SNTG2: variants seen among roughly 807,000 people sequenced by gnomAD.
The protein encoded by SNTG2 is syntrophin gamma 2, also known as gamma-2-syntrophin.
SNTG2 carries 74 observed loss-of-function variants against 70.9 expected under a neutral mutation model. That is an observed-to-expected ratio of 1.04 (90% confidence interval 0.86 to 1.27). The LOEUF (loss-of-function observed/expected upper bound fraction) is 1.27. Ranked by LOEUF, SNTG2 falls within the 50% of genes most tolerant of loss-of-function variation. The pLI, the probability that SNTG2 is intolerant of heterozygous loss-of-function variation, is 0.00. For synonymous variants in SNTG2, 278 were observed against 273.8 expected, an observed-to-expected ratio of 1.02 and a Z score of -0.15; for missense variants, 717 against 690.7, an observed-to-expected ratio of 1.04 and a Z score of -0.43.
At chr2:1,288,444 A>G (rs35972757) in intron 14 of SNTG2, among the ~76,000 whole-genome samples, 2,227 of 152,294 alleles carry the variant, frequency 0.015, 27 homozygotes, top group East Asian at 0.049. Context: ...ATCCTCCAAG[A>G]TGGTCCACTT....
chr2:1,281,243 G>GTGTATGTGGTA (rs1572914634), intron 14 of SNTG2, among the ~76,000 whole-genome samples: 1 of 97,798 alleles, frequency 1.0e-5, no homozygotes, highest in East Asian at 3.0e-4. Context: ...GGTGTGGTGT[G>GTGTATGTGGTA]TGGTGTGTGT....
At chr2:1,189,888 G>A (rs1672474803) in intron 8 of SNTG2, among the ~76,000 whole-genome samples, 1 of 152,074 alleles carries the variant, frequency 6.6e-6, no homozygotes, top group Non-Finnish European at 1.5e-5. Context: ...AACAGAGGGT[G>A]TCTTAGAGAA....
At chr2:1,225,049 G>C (rs960918766) in intron 9 of SNTG2, among the ~76,000 whole-genome samples, 15 of 152,258 alleles carry the variant, frequency 9.9e-5, no homozygotes, top group African/African-American at 3.6e-4. Context: ...AAGAACTGAG[G>C]TTGTGAATCG....
At chr2:1,170,300 A>G (rs920057759) in intron 7 of SNTG2, among the ~76,000 whole-genome samples, 2 of 152,186 alleles carry the variant, frequency 1.3e-5, no homozygotes, top group African/African-American at 2.4e-5. Context: ...ATATTTCACT[A>G]CGTTGTAGAG....
chr2:1,248,832 T>C (rs1677592965), intron 12 of SNTG2, among the ~76,000 whole-genome samples: 1 of 152,214 alleles, frequency 6.6e-6, no homozygotes, highest in Admixed American at 6.5e-5. Context: ...CTCCATGTGT[T>C]ACCTGTGTGG....
At chr2:1,222,026 TG>T in intron 9 of SNTG2, among the ~76,000 whole-genome samples, 1 of 22,472 alleles carries the variant, frequency 4.4e-5, no homozygotes, top group Admixed American at 6.0e-4. Context: ...TCTCTGTCTC[TG>T]CCTATCTCTG....
rs1661555512 is a variant in SNTG2, at chr2:1,367,543, T to C, written c.*69T>C. 7 of 1,513,530 alleles carry C rather than the reference T, an allele frequency of 4.6e-6. No individual in the cohort carries two copies. Among genetic ancestry groups the C allele is most frequent in the Non-Finnish European group, 6.2e-6 (7 of 1,122,538 alleles). The allele number at this position is 1,513,530 out of a possible 1,614,324, so 93.8% of individuals were successfully genotyped here. A position where few individuals can be genotyped will look rare whatever the true frequency, so the allele number is the denominator to read the frequency against. The stretch of plus-strand genomic sequence containing the variant: ...AGAAATGATTCTTTCCTGCAGAATA[T>C]TGCAACTTTGTGTTGTTTTATGATG... On this transcript the variant is annotated 3_prime_UTR_variant, in exon 17 of 17. Transcript: ENST00000308624.
chr2:1,179,321 T>G (rs1671702158), intron 8 of SNTG2, among the ~76,000 whole-genome samples: 1 of 152,186 alleles, frequency 6.6e-6, no homozygotes, highest in Non-Finnish European at 1.5e-5. Context: ...TGCTCTGATT[T>G]TAGTTAGCCC....
chr2:1,221,941 G>GTCTCTGTTTCTC lies in SNTG2; in HGVS notation c.719+12714_719+12715insCTGTTTCTCTCT, dbSNP rs1233709462. Among the ~76,000 whole-genome samples the GTCTCTGTTTCTC allele has an allele frequency of 1.3e-3, 2 of 1,542 alleles. 1 individual carries two copies. Among genetic ancestry groups the GTCTCTGTTTCTC allele is most frequent in the Non-Finnish European group, 2.1e-3 (2 of 936 alleles). 1.0% of individuals were successfully genotyped at this position (1,542 alleles called of 152,430 possible). ...TCTCTCTCTGTCTCTCTCTGTCTCT[G>GTCTCTGTTTCTC]TCTGTCTCTGTCTCTGTCTCTCTCT... On this transcript the variant is annotated intron_variant, in intron 9 of 16. Transcript: ENST00000308624.
At chr2:1,162,329 A>ACT (rs1229835218) in intron 6 of SNTG2, among the ~76,000 whole-genome samples, 1 of 152,056 alleles carries the variant, frequency 6.6e-6, no homozygotes, top group Non-Finnish European at 1.5e-5. Flanking sequence ...TCCAACAAGG[A>ACT]CTTCAGGCAC....
intron 4 of SNTG2, among the ~76,000 whole-genome samples, chr2:1,130,029 A>G (rs1299379355): frequency 6.6e-6 from 1 of 152,214 alleles, no homozygotes; most frequent in Non-Finnish European, 1.5e-5. Context: ...TAAGAGTTAC[A>G]GGCAAAAGAA....
intron 1 of SNTG2, among the ~76,000 whole-genome samples, chr2:952,148 C>G (rs1157457723): frequency 6.6e-6 from 1 of 152,122 alleles, no homozygotes; most frequent in Non-Finnish European, 1.5e-5. Flanking sequence ...TGTGGGTGTT[C>G]GTTTCTTGAA....
intron 1 of SNTG2, among the ~76,000 whole-genome samples, chr2:1,074,287 A>G (rs1170663742): frequency 2.6e-5 from 4 of 152,174 alleles, no homozygotes; most frequent in Non-Finnish European, 5.9e-5. Context: ...CAGACTGTAA[A>G]TCACTGTGAC....
At chr2:1,208,934 A>G (rs1167435871) in intron 8 of SNTG2, among the ~76,000 whole-genome samples, 169 bp from the exon 9 acceptor site, 1 of 152,102 alleles carries the variant, frequency 6.6e-6, no homozygotes, top group East Asian at 1.9e-4. Flanking sequence ...AAATCCGGGT[A>G]GAAGAGCACT....
chr2:1,209,080 T>C, intron 8 of SNTG2, 23 bp from the exon 9 acceptor site: 1 of 1,612,480 alleles, frequency 6.2e-7, no homozygotes, highest in Non-Finnish European at 8.5e-7. Flanking sequence ...CTGTGACGCT[T>C]CATTCTCCTT....
At chr2:1,267,606 C>T (rs1678815492) in intron 14 of SNTG2, 35 bp downstream of exon 14, 4 of 1,581,530 alleles carry the variant, frequency 2.5e-6, no homozygotes, top group East Asian at 2.2e-5. Context: ...TCACCTACAC[C>T]TGCTCGGGTG....
chr2:965,944 A>AGCTCCTCCCGGCTGCTCCCG (rs1000408853), intron 1 of SNTG2, among the ~76,000 whole-genome samples: 1 of 151,640 alleles, frequency 6.6e-6, no homozygotes, highest in African/African-American at 2.4e-5. Flanking sequence ...GGCTGGGCCC[A>AGCTCCTCCCGGCTGCTCCCG]GCTCCTCCCG....
chr2:1,240,607 C>T (rs190054677), intron 11 of SNTG2, among the ~76,000 whole-genome samples: 22 of 152,272 alleles, frequency 1.4e-4, no homozygotes, highest in East Asian at 5.8e-4. Context: ...CTTTAAATAG[C>T]GCACAAAAGA....
At chr2:1,044,948 G>A (rs970654438) in intron 1 of SNTG2, among the ~76,000 whole-genome samples, 8 of 151,966 alleles carry the variant, frequency 5.3e-5, no homozygotes, top group Non-Finnish European at 8.8e-5. Context: ...AATAGTTTCC[G>A]TAGCGTTGGT....
Sources: allele counts gnomAD v4.1 joint callset (sites outside exome capture counted in the v4.1 genomes callset), GRCh38; gene constraint gnomAD v4.1.1; transcripts MANE v1.5; gene names NCBI Gene and HGNC (gene_info 2026-07-23, HGNC 2026-07-21).